FAT3: variants seen among roughly 807,000 people sequenced by gnomAD.
The protein encoded by FAT3 is FAT atypical cadherin 3.
Under a neutral mutation model 310.2 loss-of-function variants are expected in FAT3, and 95 were observed. The ratio of observed to expected loss-of-function variants is 0.31; its 90% confidence interval spans 0.26 to 0.36. FAT3 has a LOEUF of 0.36. FAT3 is among the 10% of genes least tolerant of loss of function. The probability of loss-of-function intolerance (pLI) is 1.00; values close to 1 mark genes in which losing one functional copy is unlikely to be tolerated. For synonymous variants in FAT3, 2,314 were observed against 2,192.9 expected (o/e 1.06, Z -1.54); for missense variants, 5,408 against 5,715.6 (o/e 0.95, Z 1.74).
intron 2 of FAT3, among the ~76,000 whole-genome samples, chr11:92,428,314 C>CAA (rs1204153889): frequency 4.9e-4 from 62 of 127,122 alleles, no homozygotes; most frequent in African/African-American, 1.7e-3. Flanking sequence ...TTAATCTTTT[C>CAA]AAAAAAAAAA....
At chr11:92,543,208 A>T (rs1284991235) in intron 3 of FAT3, among the ~76,000 whole-genome samples, 1 of 152,080 alleles carries the variant, frequency 6.6e-6, no homozygotes, top group Non-Finnish European at 1.5e-5. Flanking sequence ...GAAGAGATTA[A>T]TCAACATGTA....
intron 10 of FAT3, among the ~76,000 whole-genome samples, chr11:92,803,809 G>T (rs1227401426): frequency 6.6e-6 from 1 of 152,212 alleles, no homozygotes; most frequent in Non-Finnish European, 1.5e-5. Context: ...GTTGTCCCCA[G>T]TTGAGAACCA....
chr11:92,678,977 T>A (rs961892535), intron 3 of FAT3, among the ~76,000 whole-genome samples: 1 of 152,168 alleles, frequency 6.6e-6, no homozygotes, highest in African/African-American at 2.4e-5. Flanking sequence ...TGAGTCTTCA[T>A]TTTTTATCAT....
At chr11:92,779,801 T>G (rs1946694155) in intron 7 of FAT3, among the ~76,000 whole-genome samples, 1 of 152,150 alleles carries the variant, frequency 6.6e-6, no homozygotes, top group Admixed American at 6.5e-5. Context: ...ACATGAGCCC[T>G]TAAGCAGAAG....
intron 3 of FAT3, among the ~76,000 whole-genome samples, chr11:92,526,313 G>A (rs1161952967): frequency 6.6e-6 from 1 of 152,142 alleles, no homozygotes; most frequent in Admixed American, 6.5e-5. Context: ...AAATTTAAGA[G>A]TGAGGGTTGT....
chr11:92,567,201 A>AC (rs1955490475), intron 3 of FAT3, among the ~76,000 whole-genome samples: 1 of 117,362 alleles, frequency 8.5e-6, no homozygotes, highest in Non-Finnish European at 1.8e-5. Context: ...GAAAAAAACA[A>AC]AACCCCATCA....
intron 2 of FAT3, among the ~76,000 whole-genome samples, chr11:92,406,134 A>T (rs1326935325): frequency 1.3e-5 from 2 of 152,100 alleles, no homozygotes; most frequent in Admixed American, 1.3e-4. Context: ...AGTTTCCACT[A>T]TGAGTTCAGT....
intron 1 of FAT3, among the ~76,000 whole-genome samples, chr11:92,337,300 T>A (rs542325889): frequency 6.6e-6 from 1 of 152,206 alleles, no homozygotes; most frequent in African/African-American, 2.4e-5. Context: ...TTAGTCTAAG[T>A]AATTTTTTGC....
chr11:92,614,851 G>C (rs971123769), intron 3 of FAT3, among the ~76,000 whole-genome samples: 3 of 152,164 alleles, frequency 2.0e-5, no homozygotes, highest in Non-Finnish European at 2.9e-5. Flanking sequence ...CTTACATTTA[G>C]ATCTATGATT....
intron 3 of FAT3, among the ~76,000 whole-genome samples, chr11:92,678,405 G>A (rs1300144648): frequency 2.0e-5 from 3 of 152,066 alleles, no homozygotes; most frequent in Non-Finnish European, 4.4e-5. Flanking sequence ...AGTGTGAATC[G>A]GCCTTAGGCT....
chr11:92,326,165 C>T (rs576012339), intron 1 of FAT3, among the ~76,000 whole-genome samples: 3 of 152,298 alleles, frequency 2.0e-5, no homozygotes, highest in African/African-American at 7.2e-5. Flanking sequence ...TTTGAAGCTT[C>T]AGTTTACCTA....
In FAT3 at chr11:92,353,025, G is replaced by T; in HGVS notation, c.913G>T (p.Ala305Ser). 1 of 1,613,708 alleles carries T rather than the reference G, an allele frequency of 6.2e-7. No individual in the cohort carries two copies. Among genetic ancestry groups the T allele is most frequent in the African/African-American group, 1.3e-5 (1 of 75,012 alleles). ...NGEIESVSIV[A>S]GDPLDQFFLA... ...AGAGATCGAATCTGTTTCCATTGTG[G>T]CTGGGGATCCTTTAGATCAGTTCTT... The change falls in exon 2 of 28, where the codon GCT becomes TCT. Residue 305 changes from alanine (A) to serine (S), a missense_variant. By Grantham distance (99) the Ala-to-Ser change is moderately conservative. Coordinates refer to ENST00000525166, the MANE Select transcript of FAT3 (RefSeq NM_001367949.2).
At chr11:92,395,296 T>C (rs1949843234) in intron 2 of FAT3, among the ~76,000 whole-genome samples, 1 of 152,202 alleles carries the variant, frequency 6.6e-6, no homozygotes, top group African/African-American at 2.4e-5. Context: ...TCACCTATCA[T>C]ATATAGTGGG....
At chr11:92,623,797 G>T (rs1012803967) in intron 3 of FAT3, among the ~76,000 whole-genome samples, 4 of 152,074 alleles carry the variant, frequency 2.6e-5, no homozygotes, top group Admixed American at 1.3e-4. Context: ...CAAAAAATTA[G>T]CTGGGCATTG....
chr11:92,715,547 A>T (rs1222669847), intron 4 of FAT3, among the ~76,000 whole-genome samples: 2 of 152,122 alleles, frequency 1.3e-5, no homozygotes, highest in Non-Finnish European at 2.9e-5. Context: ...CCATAAACAC[A>T]CTCATGTATG....
intron 3 of FAT3, among the ~76,000 whole-genome samples, chr11:92,529,224 G>A (rs1953983788): frequency 6.6e-6 from 1 of 152,210 alleles, no homozygotes; most frequent in Non-Finnish European, 1.5e-5. Flanking sequence ...AAAGAGTGGA[G>A]CTTTGTGGAT....
intron 1 of FAT3, among the ~76,000 whole-genome samples, chr11:92,228,621 G>C (rs1469535596): frequency 2.0e-5 from 3 of 152,204 alleles, no homozygotes; most frequent in Non-Finnish European, 4.4e-5. Flanking sequence ...AGGCAGGAGA[G>C]GGTATTTAGT....
rs1225915850 is a variant in FAT3, at chr11:92,831,991, T to A, written c.9851T>A (p.Phe3284Tyr). The change falls in exon 14 of 28, where the codon TTT becomes TAT. Residue 3284 changes from phenylalanine (F) to tyrosine (Y), a missense_variant. Around this residue, in one of 5 missense-constraint regions of FAT3, gnomAD observed 4,588 missense variants for 4,809.8 expected, o/e 0.95. Coordinates refer to ENST00000525166, the MANE Select transcript of FAT3 (RefSeq NM_001367949.2). ...LIRSGNEQGK[F>Y]KINPKTGGIS... is the part of the protein sequence containing the mutation. ...CGGTCTGGGAACGAACAAGGGAAAT[T>A]TAAGATCAACCCCAAGACAGGTGGG... 2.0e-5 allele frequency: 31 copies of A among 1,550,614 alleles called. No homozygotes were observed. Among genetic ancestry groups the A allele is most frequent in the Non-Finnish European group, 2.7e-5 (31 of 1,147,870 alleles).
chr11:92,300,210 G>A (rs1437695793), intron 1 of FAT3, among the ~76,000 whole-genome samples: 6 of 152,174 alleles, frequency 3.9e-5, no homozygotes, highest in Admixed American at 1.3e-4. Flanking sequence ...GTCATTATTC[G>A]TTGGCTCATT....
Sources: gnomAD v4.1 joint callset for allele counts (sites outside exome capture counted in the v4.1 genomes callset) on GRCh38, gnomAD v4.1.1 for gene constraint, gnomAD v4.1.1 regional missense constraint, MANE v1.5 for transcripts, NCBI Gene and HGNC (gene_info 2026-07-23, HGNC 2026-07-21) for gene names.